MMEL1: variants seen among roughly 807,000 people sequenced by gnomAD.
MMEL1 encodes the protein membrane metallo-endopeptidase-like 1.
A neutral mutation model predicts 117.1 loss-of-function variants in MMEL1; 98 were observed. The ratio of observed to expected loss-of-function variants is 0.84; its 90% CI spans 0.71 to 0.99. The LOEUF is 0.99. Among genes scored for constraint, MMEL1 ranks in the 50% least tolerant of loss-of-function variants. The pLI is 0.00. For synonymous variants in MMEL1, 390 were observed against 415.1 expected (o/e 0.94, Z 0.74); for missense variants, 1,014 against 1,049.1 (o/e 0.97, Z 0.46).
rs1371903879 is a variant in MMEL1 at position 2,629,538 on chromosome 1, G to C, written c.-37-17C>G. 4.4e-5 allele frequency: 61 copies of C among 1,395,374 alleles called. No individual in the cohort carries two copies. The highest frequency in any genetic ancestry group is 5.5e-5 in the Non-Finnish European group (59 of 1,076,404). The allele number at this position is 1,395,374 out of a possible 1,614,324, so 86.4% of individuals were successfully genotyped here. A position where few individuals can be genotyped will look rare whatever the true frequency, so the allele number is the denominator to read the frequency against. On this transcript the variant is annotated splice_polypyrimidine_tract_variant and intron_variant, in intron 1 of 23. Coordinates refer to ENST00000378412, the MANE Select transcript of MMEL1 (RefSeq NM_033467.4). ...CGGAGGAACCTGCAGGCCCAGGGCA[G>C]GGGAGAGGGGAGAGGGGCGTGGAGC... is the stretch of plus-strand genomic sequence containing the variant.
intron 14 of MMEL1, 37 bp downstream of exon 14, chr1:2,596,524 G>T: frequency 3.1e-6 from 5 of 1,596,558 alleles, no homozygotes; most frequent in Non-Finnish European, 4.3e-6. Context: ...CCTGTGGAAG[G>T]CTGGCCCCGC....
At chr1:2,605,893 G>C (rs1416484932) in intron 8 of MMEL1, among the ~76,000 whole-genome samples, 1 of 152,180 alleles carries the variant, frequency 6.6e-6, no homozygotes, top group African/African-American at 2.4e-5. Flanking sequence ...GGCTCCCCCA[G>C]AGTGGGGCGC....
At position 2,592,002 on chromosome 1, in the gene MMEL1, C is replaced by T. The variant is rs1644726757; in HGVS notation, c.2093G>A (p.Gly698Asp). 3.1e-6 allele frequency: 5 copies of T among 1,613,148 alleles called. No individual in the cohort carries two copies. The South Asian group carries it at 5.5e-5, about 18-fold the overall frequency. Reference sequence around the variant, plus strand: ...GCCGGGCAGCTGCTGGTCCTTGCCACCCTCTGCCATCCACTTGAGGTAGGC... The same window carrying T: ...GCCGGGCAGCTGCTGGTCCTTGCCATCCTCTGCCATCCACTTGAGGTAGGC... Reference protein sequence around the residue: ...YKAYLKWMAEGGKDQQLPGLD... With the variant: ...YKAYLKWMAEDGKDQQLPGLD... Residue 698 changes from glycine (G) to aspartate (D), a missense_variant, in exon 22 of 24, where the codon GGT becomes GAT. Coordinates refer to ENST00000378412, the MANE Select transcript of MMEL1 (RefSeq NM_033467.4).
chr1:2,600,641 G>A (rs915467927), intron 11 of MMEL1, among the ~76,000 whole-genome samples: 1 of 152,118 alleles, frequency 6.6e-6, no homozygotes, highest in Admixed American at 6.5e-5. Flanking sequence ...AGCCATGACT[G>A]TGCCACTCCA....
Position 2,609,683 on chromosome 1 carries a change from C to T in MMEL1, c.441G>A (p.Glu147=). The change falls in exon 5 of 24, where the codon GAG becomes GAA. Residue 147 remains glutamate (E), a synonymous_variant. Transcript: ENST00000378412. ...SIFDVLRDEL[E]VILKAVLENS... ...GTGCTCTGCCACCTTTGAGGATGAC[C>T]TCCAGCTCGTCGCGGAGGACGTCAA... is the stretch of plus-strand genomic sequence containing the variant. 1.9e-6 allele frequency: 3 copies of T among 1,610,642 alleles called. No individual in the cohort carries two copies. The highest frequency in any genetic ancestry group is 2.5e-6 in the Non-Finnish European group (3 of 1,178,366).
At chr1:2,618,330 A>AC (rs1361841085) in intron 2 of MMEL1, among the ~76,000 whole-genome samples, 2 of 152,168 alleles carry the variant, frequency 1.3e-5, no homozygotes, top group African/African-American at 2.4e-5. Flanking sequence ...CATGAATGGA[A>AC]CAGTCTGAAG....
chr1:2,630,685 GCGTGTACACTCGTGTGTGC>G (rs1638516800), intron 1 of MMEL1, among the ~76,000 whole-genome samples: 1 of 151,408 alleles, frequency 6.6e-6, no homozygotes. Flanking sequence ...GCACGTGTGT[GCGTGTACACTCGTGTGTGC>G]ACGTGTGTGA....
chr1:2,603,363 A>AC (rs1289293085), intron 11 of MMEL1, among the ~76,000 whole-genome samples: 1 of 151,992 alleles, frequency 6.6e-6, no homozygotes, highest in East Asian at 1.9e-4. Flanking sequence ...GGAGTGGGGG[A>AC]CTTGCCCCTT....
intron 2 of MMEL1, among the ~76,000 whole-genome samples, chr1:2,616,029 A>G (rs1050505266): frequency 6.6e-6 from 1 of 152,256 alleles, no homozygotes; most frequent in Non-Finnish European, 1.5e-5. Flanking sequence ...TAAGAATTTC[A>G]AGACATACTT....
In MMEL1 at chr1:2,594,136, C is replaced by G. The variant is rs888169681; in HGVS notation, c.1748-203G>C. On this transcript the variant is annotated intron_variant, in intron 18 of 23. Coordinates refer to ENST00000378412, the MANE Select transcript of MMEL1 (RefSeq NM_033467.4). Reference sequence around the variant, plus strand: ...TGCCTGGCAGACCCAGGACCTCAGTCCGGCCTCCTCCCACCATCCTGTTCT... The same window carrying G: ...TGCCTGGCAGACCCAGGACCTCAGTGCGGCCTCCTCCCACCATCCTGTTCT... 4 of 781,904 alleles carry G rather than the reference C, an allele frequency of 5.1e-6. No homozygotes were observed. The African/African-American group carries it at 7.0e-5, about 14-fold the overall frequency. The allele number at this position is 781,904 out of a possible 1,614,324, so 48.4% of individuals were successfully genotyped here. A position where few individuals can be genotyped will look rare whatever the true frequency, so the allele number is the denominator to read the frequency against.
Position 2,604,419 on chromosome 1 carries a change from C to T in MMEL1, c.817-138G>A, listed in dbSNP as rs569499363. Reference sequence around the variant, plus strand: ...CCACCCACCTTGACCAGCAGGCTCTCGGGCACACAGAGTGCCGAGTGGGAG... The same window carrying T: ...CCACCCACCTTGACCAGCAGGCTCTTGGGCACACAGAGTGCCGAGTGGGAG... On this transcript the variant is annotated intron_variant, in intron 9 of 23. Coordinates refer to ENST00000378412, the MANE Select transcript of MMEL1 (RefSeq NM_033467.4). The T allele has an allele frequency of 7.2e-4, 906 of 1,257,034 alleles. 6 individuals are homozygous for T. The African/African-American group carries it at 0.012, about 16-fold the overall frequency. 77.9% of individuals were successfully genotyped at this position (1,257,034 alleles called of 1,614,324 possible).
In MMEL1 at chr1:2,628,461, C is replaced by A. The variant is rs143599297; in HGVS notation, c.154+870G>T. Among the ~76,000 whole-genome samples the A allele has an allele frequency of 4.4e-3, 669 of 152,322 alleles. 3 individuals are homozygous for A. The highest frequency in any genetic ancestry group is 0.015 in the African/African-American group (630 of 41,570). ...ATTGTTGGACCTGGGGTGCGAGGTC[C>A]GCCATGAGCTCTGAGTCCGGTGCCT... On this transcript the variant is annotated intron_variant, in intron 2 of 23. Coordinates refer to ENST00000378412, the MANE Select transcript of MMEL1 (RefSeq NM_033467.4).
Position 2,595,310 on chromosome 1 carries a change from T to C in MMEL1, c.1550A>G (p.Glu517Gly), listed in dbSNP as rs763237607. Residue 517 changes from glutamate to glycine, a missense_variant, in exon 16 of 24, where the codon GAG becomes GGG. Transcript: ENST00000378412. The surrounding 1 kb of genome is among the most constrained non-coding windows in gnomAD (Gnocchi z 4.8). ...QIGHPDYILE[E>G]MNRRLDEEYS... ...CTCCTCGTCCAGGCGCCTGTTCATC[T>C]CCTCCAGGATGTAGTCAGGGTGCCC... is the stretch of plus-strand genomic sequence containing the variant. 5 of 1,613,786 alleles carry C rather than the reference T, an allele frequency of 3.1e-6. No individual in the cohort carries two copies. The highest frequency in any genetic ancestry group is 4.2e-6 in the Non-Finnish European group (5 of 1,179,970).
intron 1 of MMEL1, among the ~76,000 whole-genome samples, chr1:2,631,049 G>A (rs1014053056): frequency 2.0e-5 from 3 of 151,898 alleles, no homozygotes; most frequent in Non-Finnish European, 2.9e-5. Flanking sequence ...GGGTGTGCAC[G>A]TGTGTGCGTG....
intron 3 of MMEL1, 150 bp from the exon 4 acceptor site, chr1:2,611,490 T>C (rs948573228): frequency 8.5e-6 from 4 of 472,844 alleles, no homozygotes; most frequent in Non-Finnish European, 1.5e-5. Flanking sequence ...GGGTGGAGCA[T>C]GGGCTGAAGC....
chr1:2,617,705 G>T (rs940025296), intron 2 of MMEL1, among the ~76,000 whole-genome samples: 1 of 152,142 alleles, frequency 6.6e-6, no homozygotes, highest in East Asian at 1.9e-4. Context: ...GAGTGGCAGG[G>T]CATGAACCTC....
At position 2,612,305 on chromosome 1, in the gene MMEL1, G is replaced by T. The variant is rs1377285905; in HGVS notation, c.155-101C>A. The T allele has an allele frequency of 4.1e-6, 4 of 973,494 alleles. No individual in the cohort carries two copies. The highest frequency in any genetic ancestry group is 6.3e-6 in the Non-Finnish European group (4 of 636,526). 60.3% of individuals were successfully genotyped at this position (973,494 alleles called of 1,614,324 possible). On this transcript the variant is annotated intron_variant, in intron 2 of 23. Transcript: ENST00000378412. The surrounding 1 kb of genome is among the most constrained non-coding windows in gnomAD (Gnocchi z 5.4). The stretch of plus-strand genomic sequence containing the variant: ...AGCACGCCATCTTCCCACAGTGCTG[G>T]GTGCTGCAGCCCTACCCCTGTAGTG...
intron 2 of MMEL1, among the ~76,000 whole-genome samples, chr1:2,628,714 G>T (rs1398258711): frequency 6.6e-6 from 1 of 151,794 alleles, no homozygotes; most frequent in African/African-American, 2.4e-5. Context: ...ACAGCCGGGG[G>T]CGGGGGGAGT....
chr1:2,597,952 G>A (rs975234353), intron 13 of MMEL1, among the ~76,000 whole-genome samples: 4 of 152,028 alleles, frequency 2.6e-5, no homozygotes, highest in East Asian at 3.9e-4. Flanking sequence ...CTCAAATGTC[G>A]CCTCCCCGGA....
Sources: allele counts gnomAD v4.1 joint callset (sites outside exome capture counted in the v4.1 genomes callset), GRCh38; gene constraint gnomAD v4.1.1; non-coding constraint Gnocchi (gnomAD v3.1); transcripts MANE v1.5; gene names NCBI Gene and HGNC (gene_info 2026-07-23, HGNC 2026-07-21).